ST6GAL1: variants seen among roughly 807,000 people sequenced by gnomAD.
ST6GAL1 encodes beta-galactoside alpha-2,6-sialyltransferase 1.
A neutral mutation model predicts 38.0 loss-of-function variants in ST6GAL1; 20 were observed. That is an observed-to-expected ratio of 0.53 (90% CI 0.37 to 0.77). The LOEUF (loss-of-function observed/expected upper bound fraction) is 0.77. Among genes scored for constraint, ST6GAL1 ranks in the 30% least tolerant of loss-of-function variants. The pLI is 0.00. For synonymous variants in ST6GAL1, 196 were observed against 188.2 expected, an observed-to-expected ratio of 1.04 and a Z score of -0.34; for missense variants, 432 against 496.4, an observed-to-expected ratio of 0.87 and a Z score of 1.23.
In ST6GAL1 at chr3:187,078,254, CTT is replaced by C. The variant is rs987934932; in HGVS notation, c.*2453_*2454del. 1.3e-5 allele frequency: 2 copies of C among 152,516 alleles called. No homozygotes were observed. Among genetic ancestry groups the C allele is most frequent in the Non-Finnish European group, 2.9e-5 (2 of 68,024 alleles). 9.4% of individuals were successfully genotyped at this position (152,516 alleles called of 1,614,324 possible). Reference sequence around the variant, plus strand: ...TAGTTCTGTGCTGTCTATGTGGACACTTTGGTAAAATGCAAATTATGATATGG... The same window carrying C: ...TAGTTCTGTGCTGTCTATGTGGACACTGGTAAAATGCAAATTATGATATGG... On this transcript the variant is annotated 3_prime_UTR_variant, in exon 8 of 8. Transcript: ENST00000169298.
At chr3:187,066,181 T>G (rs1719116591) in intron 5 of ST6GAL1, among the ~76,000 whole-genome samples, 1 of 152,158 alleles carries the variant, frequency 6.6e-6, no homozygotes, top group African/African-American at 2.4e-5. Flanking sequence ...TCTATTAATA[T>G]CATAATTGGA....
chr3:187,066,848 C>T (rs1719162191), intron 5 of ST6GAL1, among the ~76,000 whole-genome samples: 1 of 152,078 alleles, frequency 6.6e-6, no homozygotes, highest in African/African-American at 2.4e-5. Context: ...CCAGGTCACA[C>T]TCCCCCTGCA....
intron 2 of ST6GAL1, among the ~76,000 whole-genome samples, chr3:187,001,501 T>C (rs1716613824): frequency 6.6e-6 from 1 of 152,224 alleles, no homozygotes; most frequent in Admixed American, 6.5e-5. Flanking sequence ...TCCATTGCTT[T>C]CTGGAGGCCC....
chr3:187,033,650 T>C (rs1242819869), intron 2 of ST6GAL1, among the ~76,000 whole-genome samples: 1 of 152,222 alleles, frequency 6.6e-6, no homozygotes, highest in Non-Finnish European at 1.5e-5. Context: ...TTATATAAAT[T>C]ATTTCAGGTG....
intron 1 of ST6GAL1, among the ~76,000 whole-genome samples, chr3:186,940,096 C>G (rs1047253891): frequency 2.0e-5 from 3 of 152,204 alleles, no homozygotes; most frequent in African/African-American, 7.2e-5. Flanking sequence ...ATTTCAAGAC[C>G]TGGACTGTGA....
Position 187,075,512 on chromosome 3 carries a change from G to A in ST6GAL1, c.980-50G>A. ...CTGAACCCACTGGGCAGAGCTCTGG[G>A]GTGCTGGGGTGGGTTGTCAGGCATG... On this transcript the variant is annotated intron_variant, in intron 7 of 7. Transcript: ENST00000169298. This position sits in a 1 kb window ranked among gnomAD's most constrained non-coding sequence, Gnocchi z 4.1. 6.2e-7 allele frequency: 1 copy of A among 1,601,534 alleles called. No individual in the cohort carries two copies. Among genetic ancestry groups the A allele is most frequent in the Non-Finnish European group, 8.5e-7 (1 of 1,171,636 alleles).
At chr3:187,043,424 C>T in intron 4 of ST6GAL1, 114 bp downstream of exon 4, 1 of 1,448,700 alleles carries the variant, frequency 6.9e-7, no homozygotes, top group South Asian at 1.4e-5. Context: ...TGGAGTGGGC[C>T]CAGGGCAGTG....
chr3:186,935,137 C>T (rs1476006501), intron 1 of ST6GAL1, among the ~76,000 whole-genome samples: 2 of 151,958 alleles, frequency 1.3e-5, no homozygotes, highest in Admixed American at 6.6e-5. Context: ...AATGATTTTC[C>T]CTGCTCCGTT....
At chr3:187,000,352 C>A (rs1716574758) in intron 2 of ST6GAL1, among the ~76,000 whole-genome samples, 1 of 150,606 alleles carries the variant, frequency 6.6e-6, no homozygotes, top group Non-Finnish European at 1.5e-5. Context: ...GAGTTCGAGA[C>A]CAGCCTGGCC....
rs201477673 is a variant in ST6GAL1, at chr3:187,072,951, A to C, written c.804+4A>C. On this transcript the variant is annotated splice_donor_region_variant and intron_variant, in intron 6 of 7. Coordinates refer to ENST00000169298, the MANE Select transcript of ST6GAL1 (RefSeq NM_173216.2). ...ATACCACTCAGATATCCCAAAGGTA[A>C]GTGGGTGTCCGTGGGAAATAGGGGT... 2 of 1,609,108 alleles carry C rather than the reference A, an allele frequency of 1.2e-6. No individual in the cohort carries two copies. The highest frequency in any genetic ancestry group is 3.3e-5 in the Admixed American group (2 of 59,994).
chr3:187,045,869 A>G (rs558246908), intron 4 of ST6GAL1, among the ~76,000 whole-genome samples: 186 of 152,338 alleles, frequency 1.2e-3, no homozygotes, highest in Non-Finnish European at 2.4e-3. Flanking sequence ...TGCACGGGGA[A>G]AAGTGTGTTT....
intron 2 of ST6GAL1, among the ~76,000 whole-genome samples, chr3:186,970,410 A>G (rs1326760036): frequency 6.8e-6 from 1 of 147,368 alleles, no homozygotes; most frequent in African/African-American, 2.5e-5. Flanking sequence ...TTTTTAGTGG[A>G]GACAAGGTTT....
chr3:187,054,391 A>T (rs1339121837), intron 5 of ST6GAL1, among the ~76,000 whole-genome samples: 4 of 152,166 alleles, frequency 2.6e-5, no homozygotes, highest in Non-Finnish European at 5.9e-5. Flanking sequence ...TTTCAAAGGG[A>T]ATGCTTCAGT....
intron 5 of ST6GAL1, 58 bp downstream of exon 5, chr3:187,051,404 T>A: frequency 6.6e-7 from 1 of 1,513,892 alleles, no homozygotes; most frequent in Non-Finnish European, 9.2e-7. Flanking sequence ...TGGGCTCTAA[T>A]GTGGAATGTA....
chr3:187,032,048 C>T (rs1168887337), intron 2 of ST6GAL1, among the ~76,000 whole-genome samples: 6 of 152,184 alleles, frequency 3.9e-5, no homozygotes, highest in Non-Finnish European at 8.8e-5. Flanking sequence ...GTTATCACTT[C>T]TACAGCTGGT....
intron 2 of ST6GAL1, among the ~76,000 whole-genome samples, chr3:187,034,327 C>A (rs1049094754): frequency 8.5e-5 from 13 of 152,098 alleles, no homozygotes; most frequent in Admixed American, 8.5e-4. Flanking sequence ...ATCAGACATA[C>A]AAAAAAGAGC....
intron 1 of ST6GAL1, among the ~76,000 whole-genome samples, chr3:186,959,895 G>A (rs1325477201): frequency 6.6e-6 from 1 of 152,228 alleles, no homozygotes; most frequent in Non-Finnish European, 1.5e-5. Flanking sequence ...GGTTAAAAGG[G>A]TTATCTCACG....
intron 2 of ST6GAL1, among the ~76,000 whole-genome samples, chr3:187,010,396 C>A (rs1441174153): frequency 6.6e-6 from 1 of 152,138 alleles, no homozygotes; most frequent in East Asian, 1.9e-4. Context: ...GACATTGAAT[C>A]CCCAGCCTGT....
At position 186,996,144 on chromosome 3, in the gene ST6GAL1, A is replaced by C. The variant is rs80258526; in HGVS notation, c.-183+32218A>C. Among the ~76,000 whole-genome samples, 785 of 152,338 alleles carry C rather than the reference A, an allele frequency of 5.2e-3. 24 individuals are homozygous for C. The East Asian group carries it at 0.081, about 16-fold the overall frequency. On this transcript the variant is annotated intron_variant, in intron 2 of 7. Coordinates refer to ENST00000169298, the MANE Select transcript of ST6GAL1 (RefSeq NM_173216.2). ...TACAGAGTCTATTTGAAGGACCAGTATATTGAATAGCAGTAATATTTGAAG... is the reference window on the plus strand; with the variant it reads ...TACAGAGTCTATTTGAAGGACCAGTCTATTGAATAGCAGTAATATTTGAAG...
Sources: allele counts gnomAD v4.1 joint callset (sites outside exome capture counted in the v4.1 genomes callset), GRCh38; gene constraint gnomAD v4.1.1; non-coding constraint Gnocchi (gnomAD v3.1); transcripts MANE v1.5; gene names NCBI Gene and HGNC (gene_info 2026-07-23, HGNC 2026-07-21).